ACSF3: variants seen among roughly 807,000 people sequenced by gnomAD.
The protein encoded by ACSF3 is malonate--CoA ligase ACSF3, mitochondrial.
In ACSF3, 78 loss-of-function variants were observed where a neutral mutation model predicts 53.2. The observed-to-expected ratio is 1.47, with a 90% confidence interval of 1.22 to 1.77. The LOEUF is 1.77. Among genes scored for constraint, ACSF3 ranks in the 40% most tolerant of loss-of-function variants. ACSF3 has a pLI of 0.00. For synonymous variants in ACSF3, 414 were observed against 333.1 expected, an observed-to-expected ratio of 1.24 and a Z score of -2.65; for missense variants, 937 against 771.1, an observed-to-expected ratio of 1.22 and a Z score of -2.55.
chr16:89,132,648 G>A (rs1909575894), intron 7 of ACSF3, among the ~76,000 whole-genome samples: 1 of 152,274 alleles, frequency 6.6e-6, no homozygotes, highest in South Asian at 2.1e-4. Context: ...GCCCTGTGGA[G>A]GGCGCTGCCC....
intron 7 of ACSF3, among the ~76,000 whole-genome samples, chr16:89,127,814 G>A (rs1908452723): frequency 6.6e-6 from 1 of 152,158 alleles, no homozygotes; most frequent in Non-Finnish European, 1.5e-5. Flanking sequence ...GTTTCTTTAT[G>A]TAGAGTTTCC....
At chr16:89,147,925 G>A (rs1913410150) in intron 10 of ACSF3, 1 of 152,138 alleles carries the variant, frequency 6.6e-6, no homozygotes, top group Admixed American at 6.5e-5. Context: ...TTTCACCTAT[G>A]AGCCTGTAAA....
At chr16:89,121,535 C>G (rs1408449382) in intron 7 of ACSF3, among the ~76,000 whole-genome samples, 1 of 152,228 alleles carries the variant, frequency 6.6e-6, no homozygotes, top group Non-Finnish European at 1.5e-5. Context: ...CACACGTGAA[C>G]TCATCACAGA....
At chr16:89,102,336 A>C in intron 3 of ACSF3, 2 of 509,582 alleles carry the variant, frequency 3.9e-6, no homozygotes, top group South Asian at 2.0e-5. Context: ...CTGCAGAGCC[A>C]CTCCCCGACC....
rs2151562365 is a variant in ACSF3 at position 89,145,268 on chromosome 16, G to A, written c.1368G>A (p.Gly456=). The change falls in exon 9 of 11, where the codon GGG becomes GGA. Residue 456 remains glycine, a splice_region_variant and synonymous_variant. Coordinates refer to ENST00000614302, the MANE Select transcript of ACSF3 (RefSeq NM_001243279.3). Reference sequence around the variant, plus strand: ...TTAACCAGAGCCCCTTTTCCTCAGGGGACACCGTGGTGTTTAAGGATGGCC... The same window carrying A: ...TTAACCAGAGCCCCTTTTCCTCAGGAGACACCGTGGTGTTTAAGGATGGCC... ...AFTLDGWFKT[G]DTVVFKDGQY... 1 of 1,614,100 alleles carries A rather than the reference G, an allele frequency of 6.2e-7. No homozygotes were observed. The highest frequency in any genetic ancestry group is 8.5e-7 in the Non-Finnish European group (1 of 1,180,004).
intron 8 of ACSF3, among the ~76,000 whole-genome samples, chr16:89,139,124 A>G (rs1012898717): frequency 3.9e-5 from 6 of 152,182 alleles, no homozygotes; most frequent in South Asian, 2.1e-4. Flanking sequence ...TATTGAGACT[A>G]TGGAGTCGCC....
Position 89,100,667 on chromosome 16 carries a change from C to CCTCAGGAGGCTCCCGGGAG in ACSF3, c.-14_-13insTCAGGAGGCTCCCGGGAGC. On this transcript the variant is annotated 5_prime_UTR_variant, in exon 3 of 11. Coordinates refer to ENST00000614302, the MANE Select transcript of ACSF3 (RefSeq NM_001243279.3). ...TGTGCCTTGCCTTTCTCCAGCTCGG[C>CCTCAGGAGGCTCCCGGGAG]CGCCTGTCAGTGCAATGCTGCCCCA... 4 of 1,588,688 alleles carry CCTCAGGAGGCTCCCGGGAG rather than the reference C, an allele frequency of 2.5e-6. No homozygotes were observed. In the South Asian group the frequency reaches 4.4e-5, roughly 18 times the overall value.
At chr16:89,123,243 C>G (rs1907095773) in intron 7 of ACSF3, among the ~76,000 whole-genome samples, 1 of 152,148 alleles carries the variant, frequency 6.6e-6, no homozygotes, top group Non-Finnish European at 1.5e-5. Flanking sequence ...ACCTGAGATT[C>G]AGGGCTCCCA....
chr16:89,114,316 C>T (rs923624680), intron 5 of ACSF3, 23 bp from the exon 6 acceptor site: 21 of 1,613,660 alleles, frequency 1.3e-5, no homozygotes, highest in Admixed American at 3.3e-5. Flanking sequence ...GGGGCTAAAC[C>T]TGCCTTTGGT....
At chr16:89,097,212 G>C (rs576339026) in intron 1 of ACSF3, among the ~76,000 whole-genome samples, 8 of 152,348 alleles carry the variant, frequency 5.3e-5, no homozygotes, top group African/African-American at 1.9e-4. Flanking sequence ...GCACGAGCTT[G>C]AACTCGCTTT....
chr16:89,105,539 C>T lies in ACSF3; in HGVS notation c.822+2780C>T, dbSNP rs151160187. Among the ~76,000 whole-genome samples the T allele has an allele frequency of 6.6e-3, 1,011 of 152,296 alleles. 12 individuals carry two copies. The highest frequency in any genetic ancestry group is 9.6e-3 in the Non-Finnish European group (651 of 68,018). ...TCTGACGGGGCAGCTCCCTCCTCTC[C>T]GCCTTAAGCTCCTCCTTTCCTTTGG... On this transcript the variant is annotated intron_variant, in intron 4 of 10. Transcript: ENST00000614302.
intron 8 of ACSF3, 90 bp from the exon 9 acceptor site, chr16:89,145,177 T>G: frequency 6.2e-7 from 1 of 1,613,270 alleles, no homozygotes; most frequent in South Asian, 1.1e-5. Flanking sequence ...CCGTGGTGTT[T>G]AAGGACGGCC....
chr16:89,130,575 A>G (rs1365356196), intron 7 of ACSF3, among the ~76,000 whole-genome samples: 1 of 152,140 alleles, frequency 6.6e-6, no homozygotes, highest in African/African-American at 2.4e-5. Flanking sequence ...GTCTGTCTCA[A>G]AAAAATACTA....
intron 4 of ACSF3, among the ~76,000 whole-genome samples, chr16:89,108,626 A>C (rs1440071204): frequency 6.6e-6 from 1 of 152,090 alleles, no homozygotes; most frequent in Non-Finnish European, 1.5e-5. Flanking sequence ...AGCGTGTGCA[A>C]ATGGGGCGTG....
At chr16:89,124,729 ACG>A (rs1907617495) in intron 7 of ACSF3, among the ~76,000 whole-genome samples, 1 of 151,632 alleles carries the variant, frequency 6.6e-6, no homozygotes, top group Admixed American at 6.6e-5. Flanking sequence ...CACTGCATAT[ACG>A]TGTGTGTTAC....
chr16:89,149,010 C>T (rs1913619996), intron 10 of ACSF3: 1 of 152,194 alleles, frequency 6.6e-6, no homozygotes, highest in South Asian at 2.1e-4. Context: ...GATCAGGCTG[C>T]AAATTTTCCA....
At chr16:89,117,850 G>C (rs890982212) in intron 6 of ACSF3, among the ~76,000 whole-genome samples, 5 of 151,120 alleles carry the variant, frequency 3.3e-5, no homozygotes, top group African/African-American at 1.2e-4. Flanking sequence ...AGGGTTATTG[G>C]GCAAGAAACC....
At chr16:89,106,572 G>A (rs568085478) in intron 4 of ACSF3, among the ~76,000 whole-genome samples, 1 of 152,310 alleles carries the variant, frequency 6.6e-6, no homozygotes, top group South Asian at 2.1e-4. Context: ...GATTACAGAC[G>A]TAAGCCACTA....
At chr16:89,098,299 A>G (rs1974855756) in intron 1 of ACSF3, among the ~76,000 whole-genome samples, 1 of 152,232 alleles carries the variant, frequency 6.6e-6, no homozygotes, top group South Asian at 2.1e-4. Context: ...AGACAATAAC[A>G]CAGTAGCTTT....
Sources: gnomAD v4.1 joint callset for allele counts (sites outside exome capture counted in the v4.1 genomes callset) on GRCh38, gnomAD v4.1.1 for gene constraint, MANE v1.5 for transcripts, NCBI Gene and HGNC (gene_info 2026-07-23, HGNC 2026-07-21) for gene names.